Variants in KIF4A observed in about 807,000 individuals in gnomAD.
KIF4A encodes the protein kinesin family member 4A.
In KIF4A, 7 loss-of-function variants were observed where a neutral mutation model predicts 105.9. The ratio of observed to expected loss-of-function variants is 0.07; its 90% CI spans 0.04 to 0.12. The LOEUF is 0.12. Ranked by LOEUF, KIF4A falls within the 10% of genes least tolerant of loss-of-function variation. The pLI is 1.00. For synonymous variants in KIF4A, 281 were observed against 331.3 expected, an observed-to-expected ratio of 0.85 and a Z score of 1.65; for missense variants, 558 against 929.2, an observed-to-expected ratio of 0.60 and a Z score of 5.19.
chrX:70,302,250 G>C (rs2085807125), intron 6 of KIF4A, 54 bp from the exon 7 acceptor site: 2 of 1,171,331 alleles, frequency 1.7e-6, no homozygotes, highest in Non-Finnish European at 2.3e-6. Flanking sequence ...TTGATATTCA[G>C]TTACTCTCAA....
At chrX:70,369,914 A>C (rs189477662) in intron 15 of KIF4A, among the ~76,000 whole-genome samples, 180 of 111,500 alleles carry the variant, frequency 1.6e-3, no homozygotes, top group Middle Eastern at 0.014. Flanking sequence ...ATGACATTTC[A>C]GTCAGTGACA....
At chrX:70,371,452 G>A (rs1213645315) in intron 15 of KIF4A, among the ~76,000 whole-genome samples, 3 of 111,559 alleles carry the variant, frequency 2.7e-5, no homozygotes, top group Non-Finnish European at 5.7e-5. Flanking sequence ...CCACAAAACC[G>A]CCATTGTCAT....
At chrX:70,327,794 T>C (rs1352281825) in intron 7 of KIF4A, among the ~76,000 whole-genome samples, 4 of 112,145 alleles carry the variant, frequency 3.6e-5, no homozygotes, top group African/African-American at 1.3e-4. Context: ...TTCTTCAGTA[T>C]TGTAGCCTAC....
At chrX:70,393,992 A>G (rs1410860685) in intron 20 of KIF4A, among the ~76,000 whole-genome samples, 2 of 106,429 alleles carry the variant, frequency 1.9e-5, no homozygotes, top group Non-Finnish European at 3.9e-5. Context: ...CATCCTCCCA[A>G]GTAGCTCAGA....
intron 28 of KIF4A, among the ~76,000 whole-genome samples, chrX:70,409,572 G>A (rs759749102): frequency 3.6e-5 from 4 of 110,957 alleles, no homozygotes; most frequent in African/African-American, 6.5e-5. Flanking sequence ...CAAGGCAGGC[G>A]GATCACCTGA....
intron 10 of KIF4A, among the ~76,000 whole-genome samples, chrX:70,337,325 C>T (rs998844824): frequency 1.8e-5 from 2 of 111,086 alleles, no homozygotes; most frequent in East Asian, 2.8e-4. Flanking sequence ...ATAGCCACTG[C>T]GCTTCAGCCT....
chrX:70,359,762 C>G (rs917186278), intron 15 of KIF4A, among the ~76,000 whole-genome samples: 1 of 111,544 alleles, frequency 9.0e-6, no homozygotes, highest in Admixed American at 9.6e-5. Context: ...ACATCATCCA[C>G]TTGCATGCTA....
intron 7 of KIF4A, among the ~76,000 whole-genome samples, chrX:70,303,643 T>A (rs57822616): frequency 0.13 from 13,965 of 111,224 alleles, 758 homozygotes; most frequent in East Asian, 0.26. Context: ...TTTTAAAGGC[T>A]GTAATGCTTT....
intron 30 of KIF4A, 125 bp from the exon 31 acceptor site, chrX:70,419,936 TC>T (rs779646954): frequency 1.3e-4 from 126 of 999,496 alleles, no homozygotes; most frequent in Non-Finnish European, 1.7e-4. Flanking sequence ...TCTGGTTTTT[TC>T]CATAGAATGA....
intron 10 of KIF4A, among the ~76,000 whole-genome samples, chrX:70,336,755 A>G (rs1219808914): frequency 8.9e-6 from 1 of 111,863 alleles, no homozygotes; most frequent in African/African-American, 3.3e-5. Context: ...TATACATAAC[A>G]TAAAATTTAC....
At chrX:70,295,747 C>T (rs1041548724) in intron 3 of KIF4A, among the ~76,000 whole-genome samples, 1 of 108,229 alleles carries the variant, frequency 9.2e-6, no homozygotes, top group Admixed American at 9.9e-5. Flanking sequence ...GAAACCCCGT[C>T]TCTACTAAAA....
intron 7 of KIF4A, among the ~76,000 whole-genome samples, chrX:70,312,758 TCTAA>T (rs1008259586): frequency 1.4e-4 from 16 of 112,024 alleles, no homozygotes; most frequent in African/African-American, 3.2e-4. Context: ...ATACATCTCC[TCTAA>T]CTACCACTTC....
chrX:70,302,540 GA>G, intron 7 of KIF4A, 142 bp downstream of exon 7: 1 of 560,217 alleles, frequency 1.8e-6, no homozygotes, highest in Non-Finnish European at 2.8e-6. Flanking sequence ...CAGAAATAGC[GA>G]AAAATTGTTT....
At position 70,420,581 on chromosome X, in the gene KIF4A, T is replaced by C. The variant is rs1471411368; in HGVS notation, c.*316T>C. The C allele has an allele frequency of 9.6e-6, 2 of 207,771 alleles. No homozygotes were observed. Among genetic ancestry groups the C allele is most frequent in the Non-Finnish European group, 1.8e-5 (2 of 108,810 alleles). The allele number at this position is 207,771 out of a possible 1,213,427, so 17.1% of individuals were successfully genotyped here. ...TCTTATTTGTGAGCAGTTCAGGCTA[T>C]CTCCTGATGGGGATGAGGCCAAGGC... On this transcript the variant is annotated 3_prime_UTR_variant, in exon 31 of 31. Coordinates refer to ENST00000374403, the MANE Select transcript of KIF4A (RefSeq NM_012310.5).
At chrX:70,380,093 A>G (rs753063831) in intron 18 of KIF4A, among the ~76,000 whole-genome samples, 1 of 111,865 alleles carries the variant, frequency 8.9e-6, no homozygotes, top group Admixed American at 9.5e-5. Flanking sequence ...ACTTGAGGTC[A>G]GAAGTTTTGA....
intron 7 of KIF4A, among the ~76,000 whole-genome samples, chrX:70,312,345 A>G (rs2085854078): frequency 9.1e-6 from 1 of 109,935 alleles, no homozygotes; most frequent in African/African-American, 3.3e-5. Flanking sequence ...GGGTTTCACC[A>G]TGTTGGCCAG....
intron 18 of KIF4A, among the ~76,000 whole-genome samples, chrX:70,378,194 C>T (rs1656135279): frequency 9.0e-6 from 1 of 110,999 alleles, no homozygotes; most frequent in South Asian, 3.8e-4. Flanking sequence ...GTTGTAAATG[C>T]CTATATTAAA....
rs1010891375 is a variant in KIF4A, at chrX:70,341,934, A to G, written c.1266+3A>G. On this transcript the variant is annotated splice_donor_region_variant and intron_variant, in intron 11 of 30. Coordinates refer to ENST00000374403, the MANE Select transcript of KIF4A (RefSeq NM_012310.5). ...AGATGTTGGAGAGGATCATTTTGGTAAGCCCCCAAGAATAAACTACTAGCA... is the reference window on the plus strand; with the variant it reads ...AGATGTTGGAGAGGATCATTTTGGTGAGCCCCCAAGAATAAACTACTAGCA... 8.3e-7 allele frequency: 1 copy of G among 1,203,539 alleles called. No homozygotes were observed. Among genetic ancestry groups the G allele is most frequent in the Non-Finnish European group, 1.1e-6 (1 of 892,803 alleles).
At position 70,387,167 on chromosome X, in the gene KIF4A, G is replaced by A. The variant is rs756236211; in HGVS notation, c.2119-17G>A. ...TTTACCATTCATTCAACATTACTATGTGCCAATTTTATTTAGGCAGCAGCT... is the reference window on the plus strand; with the variant it reads ...TTTACCATTCATTCAACATTACTATATGCCAATTTTATTTAGGCAGCAGCT... On this transcript the variant is annotated splice_polypyrimidine_tract_variant and intron_variant, in intron 19 of 30. Transcript: ENST00000374403. 3.4e-5 allele frequency: 35 copies of A among 1,037,543 alleles called. No individual in the cohort carries two copies. The African/African-American group carries it at 5.6e-4, about 17-fold the overall frequency. 85.5% of individuals were successfully genotyped at this position (1,037,543 alleles called of 1,213,427 possible).
Sources: gnomAD v4.1 joint callset for allele counts (sites outside exome capture counted in the v4.1 genomes callset) on GRCh38, gnomAD v4.1.1 for gene constraint, MANE v1.5 for transcripts, NCBI Gene and HGNC (gene_info 2026-07-23, HGNC 2026-07-21) for gene names.